Variants in FOXJ3 observed in about 807,000 individuals in gnomAD.
FOXJ3 encodes forkhead box protein J3.
FOXJ3 carries 22 observed loss-of-function variants against 76.1 expected under a neutral mutation model. That is an observed-to-expected ratio of 0.29 (90% CI 0.21 to 0.41). The LOEUF (loss-of-function observed/expected upper bound fraction) is 0.41, where lower values mean the gene tolerates loss of function less well. Among genes scored for constraint, FOXJ3 ranks in the 10% least tolerant of loss-of-function variants. The pLI, the probability that FOXJ3 is intolerant of heterozygous loss-of-function variation, is 1.00. For missense variants in FOXJ3, 613 were observed against 762.1 expected, an observed-to-expected ratio of 0.80 and a Z score of 2.30; for synonymous variants, 269 against 261.2, an observed-to-expected ratio of 1.03 and a Z score of -0.29.
chr1:42,288,713 C>T (rs1172886200), intron 2 of FOXJ3, among the ~76,000 whole-genome samples: 1 of 152,188 alleles, frequency 6.6e-6, no homozygotes, highest in Non-Finnish European at 1.5e-5. Context: ...CTCTTATCCT[C>T]TCATACAGTG....
rs1209914233 is a variant in FOXJ3, at chr1:42,188,790, T to C, written c.1592A>G (p.Asn531Ser). ...TGGATGCATGGCACCATGACAAACA[T>C]TTTGTTGAACATTACTCTGTGAATG... is the stretch of plus-strand genomic sequence containing the variant. ...LIHSQSNVQQ[N>S]VCHGAMHPTK... is the part of the protein sequence containing the mutation. Residue 531 changes from asparagine (N) to serine (S), a missense_variant, in exon 11 of 13, where the codon AAT becomes AGT. Physicochemically the swap from Asn to Ser is conservative, Grantham distance 46. This residue lies in a region of FOXJ3 where 526 missense variants were observed against 601.4 expected (regional missense o/e 0.87). Coordinates refer to ENST00000361346, the MANE Select transcript of FOXJ3 (RefSeq NM_014947.5). 6.2e-7 allele frequency: 1 copy of C among 1,611,734 alleles called. No individual in the cohort carries two copies. The highest frequency in any genetic ancestry group is 8.5e-7 in the Non-Finnish European group (1 of 1,178,824).
In FOXJ3 at chr1:42,273,066, C is replaced by T. The variant is rs1030122856; in HGVS notation, c.369+5282G>A. On this transcript the variant is annotated intron_variant, in intron 3 of 12. Transcript: ENST00000361346. ...ACCACTCAATTTAGATTATCATACT[C>T]CCCATAAACTCATTAACTGTACCCT... 6.0e-4 allele frequency among the ~76,000 whole-genome samples: 92 copies of T among 152,304 alleles called. 2 individuals are homozygous for T. Among genetic ancestry groups the T allele is most frequent in the African/African-American group, 2.0e-3 (83 of 41,552 alleles).
chr1:42,271,567 T>C (rs745330023), intron 3 of FOXJ3, among the ~76,000 whole-genome samples: 5 of 152,276 alleles, frequency 3.3e-5, no homozygotes, highest in Non-Finnish European at 7.4e-5. Context: ...ACCACCTTTG[T>C]ATTTTTCTTT....
intron 1 of FOXJ3, among the ~76,000 whole-genome samples, chr1:42,327,626 G>C (rs774018164): frequency 6.6e-6 from 1 of 151,854 alleles, no homozygotes; most frequent in South Asian, 2.1e-4. Context: ...TCACAAATCT[G>C]TTTCAACACA....
intron 6 of FOXJ3, among the ~76,000 whole-genome samples, chr1:42,200,068 C>A: frequency 6.8e-6 from 1 of 146,470 alleles, no homozygotes; most frequent in Admixed American, 6.8e-5. Flanking sequence ...CATATTATCA[C>A]GAATAGGAGT....
chr1:42,295,870 A>AC (rs950208475), intron 2 of FOXJ3, among the ~76,000 whole-genome samples: 2 of 151,996 alleles, frequency 1.3e-5, no homozygotes, highest in African/African-American at 4.8e-5. Flanking sequence ...TTGGGCAGAT[A>AC]CCCCCAGTAG....
intron 4 of FOXJ3, among the ~76,000 whole-genome samples, chr1:42,263,930 CTTTTTTTTTTT>C (rs61375062): frequency 1.3e-3 from 95 of 71,452 alleles, no homozygotes; most frequent in South Asian, 4.0e-3. Flanking sequence ...AGTAGGTTAA[CTTTTTTTTTTT>C]TTTTTTTTTT....
At position 42,179,117 on chromosome 1, in the gene FOXJ3, CAA is replaced by C. The variant is rs1351027579; in HGVS notation, c.*591_*592del. 1 of 152,502 alleles carries C rather than the reference CAA, an allele frequency of 6.6e-6. No homozygotes were observed. Among genetic ancestry groups the C allele is most frequent in the Non-Finnish European group, 1.5e-5 (1 of 68,042 alleles). The allele number at this position is 152,502 out of a possible 1,614,324, so 9.4% of individuals were successfully genotyped here. A position where few individuals can be genotyped will look rare whatever the true frequency, so the allele number is the denominator to read the frequency against. On this transcript the variant is annotated 3_prime_UTR_variant, in exon 13 of 13. Transcript: ENST00000361346. The stretch of plus-strand genomic sequence containing the variant: ...GCCCCTTCGGATTGTTGGAGTGTGT[CAA>C]ATTCTGGTTTCCTTGACTTATTAGA...
chr1:42,321,799 A>G (rs1655443548), intron 1 of FOXJ3, among the ~76,000 whole-genome samples: 1 of 152,142 alleles, frequency 6.6e-6, no homozygotes, highest in African/African-American at 2.4e-5. Flanking sequence ...CCGACTCAAG[A>G]GGAAACCAAA....
intron 4 of FOXJ3, among the ~76,000 whole-genome samples, chr1:42,255,961 G>A (rs531516187): frequency 1.3e-5 from 2 of 152,214 alleles, no homozygotes; most frequent in South Asian, 2.1e-4. Context: ...GGTGGAGGCC[G>A]CAGTGAGCCG....
intron 3 of FOXJ3, among the ~76,000 whole-genome samples, chr1:42,277,556 G>GCA (rs1303625433): frequency 0.015 from 810 of 55,084 alleles, 2 homozygotes; most frequent in Middle Eastern, 0.036. Context: ...CCAGCACTTT[G>GCA]GGAGGCCGAG....
chr1:42,332,828 T>G (rs1464681983), intron 1 of FOXJ3, among the ~76,000 whole-genome samples: 2 of 152,212 alleles, frequency 1.3e-5, no homozygotes, highest in Non-Finnish European at 2.9e-5. Context: ...AATACACCTC[T>G]TTCCCTTTGG....
Position 42,199,130 on chromosome 1 carries a change from C to G in FOXJ3, c.731G>C (p.Ser244Thr). Residue 244 changes from serine (S) to threonine (T), a missense_variant, in exon 7 of 13, where the codon AGT becomes ACT. By Grantham distance (58) the Ser-to-Thr change is moderately conservative (BLOSUM62 1). Around this residue, in one of 3 missense-constraint regions of FOXJ3, gnomAD observed 526 missense variants for 601.4 expected, o/e 0.87. Transcript: ENST00000361346. ...TGTATAACTATGCACACTTCCAACACTGTTCAAATTAACAGATGCCAAACT... is the reference window on the plus strand; with the variant it reads ...TGTATAACTATGCACACTTCCAACAGTGTTCAAATTAACAGATGCCAAACT... ...DQSLASVNLN[S>T]VGSVHSYTPV... 6.2e-7 allele frequency: 1 copy of G among 1,613,780 alleles called. No homozygotes were observed. The highest frequency in any genetic ancestry group is 8.5e-7 in the Non-Finnish European group (1 of 1,179,680).
intron 7 of FOXJ3, among the ~76,000 whole-genome samples, chr1:42,196,431 G>A (rs749075080): frequency 2.6e-5 from 4 of 152,148 alleles, no homozygotes; most frequent in Non-Finnish European, 5.9e-5. Flanking sequence ...GTGGCTCAAC[G>A]CCTATAATCC....
intron 2 of FOXJ3, among the ~76,000 whole-genome samples, chr1:42,291,322 C>G (rs1653424386): frequency 1.3e-5 from 2 of 152,124 alleles, no homozygotes; most frequent in South Asian, 2.1e-4. Flanking sequence ...AAGAGAAAAT[C>G]TGGTTAGGCA....
At chr1:42,249,875 A>T (rs1424368967) in intron 4 of FOXJ3, among the ~76,000 whole-genome samples, 1 of 152,232 alleles carries the variant, frequency 6.6e-6, no homozygotes, top group African/African-American at 2.4e-5. Context: ...TTGAAAAGTT[A>T]GAGTAGGTTA....
chr1:42,324,508 G>A, intron 1 of FOXJ3, among the ~76,000 whole-genome samples: 1 of 151,628 alleles, frequency 6.6e-6, no homozygotes, highest in East Asian at 1.9e-4. Flanking sequence ...GTACAGTGAT[G>A]CATCGCTTAA....
intron 2 of FOXJ3, among the ~76,000 whole-genome samples, chr1:42,309,288 C>T (rs1163427427): frequency 6.6e-6 from 1 of 152,164 alleles, no homozygotes; most frequent in Non-Finnish European, 1.5e-5. Flanking sequence ...CTCCTCCACT[C>T]CTCCTCAAAC....
intron 3 of FOXJ3, among the ~76,000 whole-genome samples, chr1:42,277,053 T>C (rs1166024323): frequency 6.6e-6 from 1 of 152,192 alleles, no homozygotes; most frequent in African/African-American, 2.4e-5. Flanking sequence ...ATGTAAGATG[T>C]TAACATTAGA....
Sources: gnomAD v4.1 joint callset for allele counts (sites outside exome capture counted in the v4.1 genomes callset) on GRCh38, gnomAD v4.1.1 for gene constraint, gnomAD v4.1.1 regional missense constraint, MANE v1.5 for transcripts, NCBI Gene and HGNC (gene_info 2026-07-23, HGNC 2026-07-21) for gene names.